Variants in LZTS2 observed in about 807,000 individuals in gnomAD.
LZTS2 encodes leucine zipper putative tumor suppressor 2.
In LZTS2, 32 loss-of-function variants were observed where a neutral mutation model predicts 60.6. The ratio of observed to expected loss-of-function variants is 0.53; its 90% CI spans 0.40 to 0.71. LZTS2 has a LOEUF of 0.71. Ranked by LOEUF, LZTS2 falls within the 30% of genes least tolerant of loss-of-function variation. LZTS2 has a pLI of 0.00. For synonymous variants in LZTS2, 360 were observed against 393.1 expected, an observed-to-expected ratio of 0.92 and a Z score of 1.00; for missense variants, 792 against 901.9, an observed-to-expected ratio of 0.88 and a Z score of 1.56.
rs1349436879 is a variant in LZTS2, at chr10:101,004,359, C to T, written c.1068+193C>T. Among the ~76,000 whole-genome samples the T allele has an allele frequency of 4.6e-5, 7 of 152,190 alleles. No individual in the cohort carries two copies. The South Asian group carries it at 6.2e-4, about 13-fold the overall frequency. On this transcript the variant is annotated intron_variant, in intron 2 of 3. Coordinates refer to ENST00000370220, the Ensembl canonical transcript of LZTS2. Reference sequence around the variant, plus strand: ...TGGTGGCTCACATCTGTAATCCCAGCACTTTGGGAGGCCGAGGTGGGCGGA... The same window carrying T: ...TGGTGGCTCACATCTGTAATCCCAGTACTTTGGGAGGCCGAGGTGGGCGGA...
At chr10:101,002,809 A>G in exon 1 of LZTS2, 1 of 1,613,850 alleles carries the variant, frequency 6.2e-7, no homozygotes, top group South Asian at 1.1e-5. Context: ...CTTCACCTAC[A>G]TCAATGAGGA....
exon 1 of LZTS2, chr10:101,002,465 G>A: frequency 4.2e-6 from 6 of 1,439,570 alleles, no homozygotes; most frequent in Non-Finnish European, 5.5e-6. Flanking sequence ...TCTCAAGGTG[G>A]AGGGACTCTG....
upstream of LZTS2, chr10:100,998,450 A>G (rs539650786): frequency 1.3e-5 from 2 of 152,476 alleles, no homozygotes; most frequent in Admixed American, 6.5e-5. Context: ...CTTTCCAGGG[A>G]AAAAGAAAGA....
At chr10:100,998,704 G>A (rs1428491591), upstream of LZTS2, 1 of 152,290 alleles carries the variant, frequency 6.6e-6, no homozygotes. Context: ...GAAGCACGGC[G>A]TGTAAGAAGT....
At chr10:101,007,090 C>T in exon 4 of LZTS2, 2 of 1,610,596 alleles carry the variant, frequency 1.2e-6, no homozygotes, top group Non-Finnish European at 1.7e-6. Flanking sequence ...AGCTGGAGGC[C>T]CGGGAGCTCG....
At chr10:101,005,333 C>G in intron 2 of LZTS2, 125 bp from the exon 4 acceptor site, 1 of 1,063,822 alleles carries the variant, frequency 9.4e-7, no homozygotes, top group Non-Finnish European at 1.3e-6. Context: ...ATTGTTGTTG[C>G]AATTACTATT....
intron 3 of LZTS2, among the ~76,000 whole-genome samples, 159 bp downstream of exon 4, chr10:101,005,874 G>A (rs544042646): frequency 1.3e-5 from 2 of 152,324 alleles, no homozygotes; most frequent in African/African-American, 4.8e-5. Context: ...CTGGGAGGGG[G>A]GTCTCCTTGT....
upstream of LZTS2, chr10:100,999,101 C>T (rs983310441): frequency 2.0e-5 from 3 of 152,312 alleles, no homozygotes; most frequent in African/African-American, 7.2e-5. Flanking sequence ...GGCCGCTCCT[C>T]TCCGATAAAT....
At chr10:100,999,890 G>C (rs1355288149) in exon 1 of LZTS2, 1 of 151,330 alleles carries the variant, frequency 6.6e-6, no homozygotes, top group Non-Finnish European at 1.5e-5. Context: ...AGCCGGGGCC[G>C]GGCGGCGCGC....
chr10:101,006,792 C>G, exon 4 of LZTS2: 5 of 1,544,394 alleles, frequency 3.2e-6, no homozygotes, highest in Non-Finnish European at 4.4e-6. Context: ...GTGCCACCTG[C>G]CACCGCTGAC....
chr10:101,004,830 A>G (rs1039053956), intron 2 of LZTS2, among the ~76,000 whole-genome samples: 21 of 152,184 alleles, frequency 1.4e-4, no homozygotes, highest in Admixed American at 5.9e-4. Context: ...AGGAAGTGCT[A>G]TATAAATGCT....
chr10:101,004,258 G>A (rs1317015616), intron 2 of LZTS2, 92 bp downstream of exon 3: 1 of 1,420,456 alleles, frequency 7.0e-7, no homozygotes, highest in Non-Finnish European at 9.4e-7. Context: ...CAGGGAACGG[G>A]GGTTGGGTAG....
chr10:101,006,579 T>C (rs1367269230), exon 4 of LZTS2: 1 of 1,610,584 alleles, frequency 6.2e-7, no homozygotes, highest in African/African-American at 1.3e-5. Context: ...CTGGTGGCTC[T>C]GCGGGTGGCG....
At chr10:101,007,101 C>T (rs1262831018) in exon 4 of LZTS2, 1 of 1,611,368 alleles carries the variant, frequency 6.2e-7, no homozygotes, top group African/African-American at 1.3e-5. Context: ...CGGGAGCTCG[C>T]TGACCTGGGC....
At chr10:101,005,839 A>G in intron 3 of LZTS2, 124 bp downstream of exon 4, 3 of 1,294,478 alleles carry the variant, frequency 2.3e-6, no homozygotes, top group Non-Finnish European at 3.1e-6. Flanking sequence ...CACCTCCGTG[A>G]GATGAGGTTC....
chr10:101,006,565 C>T (rs774109706), exon 4 of LZTS2: 33 of 1,611,268 alleles, frequency 2.0e-5, no homozygotes, highest in Middle Eastern at 2.1e-4. Context: ...AGAAGGGCAG[C>T]GAGCTGGTGG....
intron 1 of LZTS2, 53 bp downstream of exon 2, chr10:101,002,999 G>A: frequency 6.5e-7 from 1 of 1,532,210 alleles, no homozygotes; most frequent in Non-Finnish European, 8.7e-7. Context: ...TCCTCGCTTG[G>A]GAAACTGGAA....
chr10:101,003,698 C>T, exon 2 of LZTS2: 1 of 1,613,144 alleles, frequency 6.2e-7, no homozygotes, highest in Non-Finnish European at 8.5e-7. Context: ...CAGCTGCTGA[C>T]AAACCCCTGG....
exon 2 of LZTS2, chr10:101,003,807 G>C (rs750335934): frequency 6.2e-7 from 1 of 1,613,400 alleles, no homozygotes; most frequent in South Asian, 1.1e-5. Flanking sequence ...CGGAGGTGCC[G>C]AGCCAACCAC....
Sources: allele counts gnomAD v4.1 joint callset (sites outside exome capture counted in the v4.1 genomes callset), GRCh38; gene constraint gnomAD v4.1.1; transcripts MANE v1.5; gene names NCBI Gene and HGNC (gene_info 2026-07-23, HGNC 2026-07-21).